Variants in CDH7 observed in about 807,000 individuals in gnomAD.
CDH7 encodes the protein cadherin 7.
A neutral mutation model predicts 71.8 loss-of-function variants in CDH7; 25 were observed. The observed-to-expected ratio is 0.35, with a 90% CI of 0.25 to 0.49. The LOEUF (loss-of-function observed/expected upper bound fraction) is 0.49, where lower values mean the gene tolerates loss of function less well. Among genes scored for constraint, CDH7 ranks in the 20% least tolerant of loss-of-function variants. The pLI is 0.99. For synonymous variants in CDH7, 381 were observed against 363.8 expected, an observed-to-expected ratio of 1.05 and a Z score of -0.54; for missense variants, 862 against 974.6, an observed-to-expected ratio of 0.88 and a Z score of 1.54.
At chr18:65,818,133 A>G (rs1911785836) in intron 4 of CDH7, among the ~76,000 whole-genome samples, 1 of 152,210 alleles carries the variant, frequency 6.6e-6, no homozygotes, top group Non-Finnish European at 1.5e-5. Flanking sequence ...ATAATGCGGT[A>G]TATTTATTTT....
rs976639714 is a variant in CDH7 at position 65,824,511 on chromosome 18, C to G, written c.794-133C>G. 8.2e-6 allele frequency: 4 copies of G among 489,434 alleles called. No homozygotes were observed. In the Middle Eastern group the frequency reaches 1.4e-3, roughly 173 times the overall value. 30.3% of individuals were successfully genotyped at this position (489,434 alleles called of 1,614,324 possible). A position where few individuals can be genotyped will look rare whatever the true frequency, so the allele number is the denominator to read the frequency against. On this transcript the variant is annotated intron_variant, in intron 5 of 11. Transcript: ENST00000397968. ...CTCTATGAAACTCATCTTTTGTTTTCCATTACCTTAGCATATATTTTATTA... is the reference window on the plus strand; with the variant it reads ...CTCTATGAAACTCATCTTTTGTTTTGCATTACCTTAGCATATATTTTATTA...
intron 2 of CDH7, among the ~76,000 whole-genome samples, chr18:65,782,075 T>TCCC (rs1910299153): frequency 1.8e-5 from 1 of 54,400 alleles, no homozygotes; most frequent in African/African-American, 1.8e-4. Context: ...TCTTTCTTTC[T>TCCC]TTCTTTCCTT....
Position 65,781,788 on chromosome 18 carries a change from T to TTTCTTTCTA in CDH7, c.210+18737_210+18738insTCTTTCTAT, listed in dbSNP as rs1568181346. 1.0e-3 allele frequency among the ~76,000 whole-genome samples: 69 copies of TTTCTTTCTA among 67,988 alleles called. 13 individuals are homozygous for TTTCTTTCTA. The highest frequency in any genetic ancestry group is 2.0e-3 in the African/African-American group (20 of 9,878). 44.6% of individuals were successfully genotyped at this position (67,988 alleles called of 152,430 possible). A position where few individuals can be genotyped will look rare whatever the true frequency, so the allele number is the denominator to read the frequency against. On this transcript the variant is annotated intron_variant, in intron 2 of 11. Transcript: ENST00000397968. ...TTTCTTTCCTTCCTTCCTTCCTTCC[T>TTTCTTTCTA]TCCTTCCTTCCTTCCTTCCTTCCTT...
intron 2 of CDH7, among the ~76,000 whole-genome samples, chr18:65,797,346 C>T (rs1274479833): frequency 6.6e-6 from 1 of 152,036 alleles, no homozygotes; most frequent in Admixed American, 6.5e-5. Context: ...TGATTTCTGC[C>T]AATTTTATTA....
At chr18:65,818,901 A>G (rs1599027897) in intron 4 of CDH7, among the ~76,000 whole-genome samples, 1 of 152,158 alleles carries the variant, frequency 6.6e-6, no homozygotes, top group South Asian at 2.1e-4. Context: ...TGGCTGCTCC[A>G]TTTTGGTGAT....
intron 1 of CDH7, among the ~76,000 whole-genome samples, chr18:65,752,636 A>G (rs1416872756): frequency 6.6e-6 from 1 of 152,196 alleles, no homozygotes; most frequent in African/African-American, 2.4e-5. Flanking sequence ...TTAAAATGCA[A>G]AAGAATTGAG....
intron 2 of CDH7, among the ~76,000 whole-genome samples, chr18:65,783,705 C>A (rs1026091260): frequency 6.6e-6 from 1 of 152,112 alleles, no homozygotes; most frequent in African/African-American, 2.4e-5. Context: ...AAGTGCCTGA[C>A]ACCGTATTTT....
chr18:65,782,913 A>G (rs1910366526), intron 2 of CDH7, among the ~76,000 whole-genome samples: 1 of 152,182 alleles, frequency 6.6e-6, no homozygotes, highest in Non-Finnish European at 1.5e-5. Flanking sequence ...CATTTTAAAC[A>G]GCAAAACCAC....
intron 11 of CDH7, 37 bp downstream of exon 11, chr18:65,862,954 G>T (rs1913630416): frequency 6.2e-7 from 1 of 1,603,588 alleles, no homozygotes; most frequent in African/African-American, 1.3e-5. Context: ...TGAAAGAGCT[G>T]TCACAATAAC....
intron 6 of CDH7, among the ~76,000 whole-genome samples, chr18:65,828,768 C>A (rs1268658627): frequency 6.6e-6 from 1 of 151,976 alleles, no homozygotes; most frequent in Non-Finnish European, 1.5e-5. Context: ...TTATTCTCAG[C>A]AATTATTTTA....
At chr18:65,772,032 C>T (rs1021711731) in intron 2 of CDH7, among the ~76,000 whole-genome samples, 2 of 152,162 alleles carry the variant, frequency 1.3e-5, no homozygotes, top group African/African-American at 4.8e-5. Context: ...GCAGAATTAT[C>T]TGATAAGAAT....
chr18:65,822,597 G>C (rs1439873629), intron 5 of CDH7, among the ~76,000 whole-genome samples: 2 of 151,640 alleles, frequency 1.3e-5, no homozygotes, highest in Non-Finnish European at 2.9e-5. Context: ...TAAAGTTGTT[G>C]CCAATTAATA....
intron 1 of CDH7, among the ~76,000 whole-genome samples, chr18:65,754,409 G>A (rs192216473): frequency 2.0e-5 from 3 of 152,306 alleles, no homozygotes; most frequent in East Asian, 1.9e-4. Flanking sequence ...GGATTTGATC[G>A]CAGTTTCTTT....
intron 7 of CDH7, among the ~76,000 whole-genome samples, chr18:65,850,169 A>AT (rs1214261239): frequency 6.8e-5 from 1 of 14,682 alleles, no homozygotes; most frequent in Non-Finnish European, 2.8e-4. Flanking sequence ...GCCACACTAT[A>AT]TATAATATAT....
chr18:65,863,254 T>C (rs1321587619), intron 11 of CDH7: 1 of 281,632 alleles, frequency 3.6e-6, no homozygotes. Flanking sequence ...GGCAGGCTGG[T>C]CTTGAACTCC....
At position 65,861,865 on chromosome 18, in the gene CDH7, A is replaced by G. The variant is rs1302931181; in HGVS notation, c.1613-801A>G. Among the ~76,000 whole-genome samples, 4 of 109,098 alleles carry G rather than the reference A, an allele frequency of 3.7e-5. No individual in the cohort carries two copies. In the Admixed American group the frequency reaches 4.8e-4, roughly 13 times the overall value. 71.6% of individuals were successfully genotyped at this position (109,098 alleles called of 152,430 possible). ...TTTTCTTCTTTTCCTTTATATTTTTATTAACAGCTATTAATTTAAAAAATC... is the reference window on the plus strand; with the variant it reads ...TTTTCTTCTTTTCCTTTATATTTTTGTTAACAGCTATTAATTTAAAAAATC... On this transcript the variant is annotated intron_variant, in intron 10 of 11. Coordinates refer to ENST00000397968, the MANE Select transcript of CDH7 (RefSeq NM_004361.5).
intron 2 of CDH7, among the ~76,000 whole-genome samples, chr18:65,795,406 A>G (rs1349424601): frequency 6.6e-6 from 1 of 152,144 alleles, no homozygotes; most frequent in Non-Finnish European, 1.5e-5. Flanking sequence ...TCTCTATAAT[A>G]ATATCCCTCA....
rs559314027 is a variant in CDH7 at position 65,786,962 on chromosome 18, A to G, written c.211-22742A>G. Among the ~76,000 whole-genome samples the G allele has an allele frequency of 7.2e-5, 11 of 152,240 alleles. No homozygotes were observed. In the South Asian group the frequency reaches 2.1e-3, roughly 29 times the overall value. Reference sequence around the variant, plus strand: ...CCTCAGCCCCCCAATAGCTGGGATTATAGGTGCAAATCACTAAGCCCACTC... The same window carrying G: ...CCTCAGCCCCCCAATAGCTGGGATTGTAGGTGCAAATCACTAAGCCCACTC... On this transcript the variant is annotated intron_variant, in intron 2 of 11. Transcript: ENST00000397968.
intron 1 of CDH7, among the ~76,000 whole-genome samples, chr18:65,755,371 C>T (rs1425649926): frequency 6.6e-6 from 1 of 152,216 alleles, no homozygotes; most frequent in African/African-American, 2.4e-5. Context: ...GTGGTTCCAC[C>T]ACTTTGGGAA....
Sources: gnomAD v4.1 joint callset for allele counts (sites outside exome capture counted in the v4.1 genomes callset) on GRCh38, gnomAD v4.1.1 for gene constraint, MANE v1.5 for transcripts, NCBI Gene and HGNC (gene_info 2026-07-23, HGNC 2026-07-21) for gene names.